The following SLC17A1 variants were observed in gnomAD, a reference collection of about 807,000 sequenced individuals.
SLC17A1 encodes the protein sodium-dependent phosphate transport protein 1.
In SLC17A1, 51 loss-of-function variants were observed where a neutral mutation model predicts 53.5. The ratio of observed to expected loss-of-function variants is 0.95; its 90% confidence interval spans 0.76 to 1.20. SLC17A1 has a LOEUF of 1.20. Among genes scored for constraint, SLC17A1 ranks in the 50% most tolerant of loss-of-function variants. The pLI is 0.00. For missense variants in SLC17A1, 538 were observed against 568.2 expected (o/e 0.95, Z 0.54); for synonymous variants, 179 against 198.8 (o/e 0.90, Z 0.84).
chr6:25,806,729 G>T (rs1447249589), intron 10 of SLC17A1, among the ~76,000 whole-genome samples: 1 of 152,060 alleles, frequency 6.6e-6, no homozygotes, highest in Non-Finnish European at 1.5e-5. Context: ...ATAATTATCA[G>T]AGTAAACAGA....
intron 3 of SLC17A1, among the ~76,000 whole-genome samples, chr6:25,821,958 G>C (rs1280505639): frequency 1.3e-5 from 2 of 152,074 alleles, no homozygotes; most frequent in Non-Finnish European, 2.9e-5. Context: ...AAATGGAAAT[G>C]ATCAATAAAC....
the SLC17A1 span, chr6:25,726,131 G>C: frequency 2.6e-6 from 4 of 1,524,036 alleles, no homozygotes; most frequent in South Asian, 1.3e-5. Context: ...ACAACCTTAA[G>C]TTACTTGCTT....
rs909424873 is a variant in SLC17A1 at position 25,788,573 on chromosome 6, A to T, written c.*3-5355T>A. On this transcript the variant is annotated intron_variant, in intron 12 of 12. Coordinates refer to ENST00000244527, the MANE Select transcript of SLC17A1 (RefSeq NM_005074.5). Reference sequence around the variant, plus strand: ...CCTGACCAGGTGCAGAGGGTGTCTGAGCTGGGTGACAGCCTCGCCCACTGA... The same window carrying T: ...CCTGACCAGGTGCAGAGGGTGTCTGTGCTGGGTGACAGCCTCGCCCACTGA... 2.6e-5 allele frequency among the ~76,000 whole-genome samples: 4 copies of T among 152,204 alleles called. 1 individual carries two copies. Among genetic ancestry groups the T allele is most frequent in the Admixed American group, 2.6e-4 (4 of 15,288 alleles).
At chr6:25,738,321 G>A in the SLC17A1 span, among the ~76,000 whole-genome samples, 1 of 150,244 alleles carries the variant, frequency 6.7e-6, no homozygotes, top group Non-Finnish European at 1.5e-5. Flanking sequence ...AATGAAGGAA[G>A]GATAGTGTTT....
At chr6:25,746,724 T>C in the SLC17A1 span, among the ~76,000 whole-genome samples, 1 of 152,194 alleles carries the variant, frequency 6.6e-6, no homozygotes, top group Admixed American at 6.5e-5. Flanking sequence ...GTAGTCCTAG[T>C]ATAATAGCTA....
the SLC17A1 span, chr6:25,727,184 T>C: frequency 1.9e-6 from 3 of 1,614,164 alleles, no homozygotes; most frequent in Non-Finnish European, 2.5e-6. Flanking sequence ...CCACCATTTC[T>C]TCCAGAGAGA....
the SLC17A1 span, chr6:25,769,010 G>A: frequency 6.2e-7 from 1 of 1,613,828 alleles, no homozygotes; most frequent in Non-Finnish European, 8.5e-7. Flanking sequence ...GACATGGGCT[G>A]GCCCTCATCT....
At chr6:25,747,231 C>G in the SLC17A1 span, among the ~76,000 whole-genome samples, 1 of 152,292 alleles carries the variant, frequency 6.6e-6, no homozygotes, top group South Asian at 2.1e-4. Flanking sequence ...GGTAAAGAAG[C>G]AAAGTGCAAT....
downstream of SLC17A1, chr6:25,780,228 G>A (rs1449537059): frequency 6.6e-6 from 1 of 152,194 alleles, no homozygotes. Context: ...CACCTTGTGT[G>A]GATGGCAGAA....
the SLC17A1 span, among the ~76,000 whole-genome samples, chr6:25,753,730 G>A: frequency 6.6e-6 from 1 of 151,994 alleles, no homozygotes; most frequent in Non-Finnish European, 1.5e-5. Flanking sequence ...TAGGGTTGGA[G>A]GGAGATTCAG....
downstream of SLC17A1, chr6:25,782,904 A>T (rs1476256027): frequency 6.6e-6 from 1 of 152,214 alleles, no homozygotes; most frequent in South Asian, 2.1e-4. Flanking sequence ...GTCTTTCATG[A>T]AGCCTTAGAA....
At chr6:25,813,903 A>G (rs1223460943) in intron 6 of SLC17A1, among the ~76,000 whole-genome samples, 2 of 152,208 alleles carry the variant, frequency 1.3e-5, no homozygotes, top group Non-Finnish European at 2.9e-5. Flanking sequence ...TTTCCCTGCA[A>G]AGGACACGAT....
At chr6:25,819,178 C>T in intron 5 of SLC17A1, 24 bp from the exon 6 acceptor site, 1 of 1,504,068 alleles carries the variant, frequency 6.6e-7, no homozygotes, top group Non-Finnish European at 9.1e-7. Flanking sequence ...ACAAAGAACA[C>T]CCCTAATTAA....
Position 25,826,635 on chromosome 6 carries a change from TAC to T in SLC17A1, c.35-4_35-3del. The T allele has an allele frequency of 6.4e-7, 1 of 1,556,358 alleles. No homozygotes were observed. On this transcript the variant is annotated splice_polypyrimidine_tract_variant and splice_region_variant and intron_variant, in intron 2 of 12. Coordinates refer to ENST00000244527, the MANE Select transcript of SLC17A1 (RefSeq NM_005074.5). ...AGCGAAAGGAACAGAAACCTGGAAC[TAC>T]AAAGTAAAACAGAAAGTCGCAATTG...
chr6:25,826,688 C>T (rs779553278), intron 2 of SLC17A1, 55 bp from the exon 3 acceptor site: 7 of 1,355,672 alleles, frequency 5.2e-6, no homozygotes, highest in Non-Finnish European at 6.9e-6. Flanking sequence ...TAAAAACATA[C>T]TTTAACTATA....
the SLC17A1 span, among the ~76,000 whole-genome samples, chr6:25,731,307 G>C: frequency 6.6e-6 from 1 of 152,216 alleles, no homozygotes; most frequent in Non-Finnish European, 1.5e-5. Context: ...ACAAGGTGCT[G>C]GAGCTGGTCC....
the SLC17A1 span, among the ~76,000 whole-genome samples, chr6:25,775,546 C>T: frequency 1.4e-4 from 21 of 152,176 alleles, no homozygotes; most frequent in African/African-American, 2.9e-4. Flanking sequence ...AGCAATCCTC[C>T]TACCTCAGCC....
chr6:25,726,154 T>C, the SLC17A1 span: 1 of 1,555,118 alleles, frequency 6.4e-7, no homozygotes, highest in African/African-American at 1.4e-5. Flanking sequence ...GGCTTTATGG[T>C]GGTGACTCTC....
At chr6:25,724,673 GAAGTT>G in the SLC17A1 span, among the ~76,000 whole-genome samples, 3 of 152,184 alleles carry the variant, frequency 2.0e-5, no homozygotes, top group African/African-American at 4.8e-5. Context: ...GCAAGTCTGA[GAAGTT>G]AAGTGCCACT....
Sources: gnomAD v4.1 joint callset for allele counts (sites outside exome capture counted in the v4.1 genomes callset) on GRCh38, gnomAD v4.1.1 for gene constraint, MANE v1.5 for transcripts, NCBI Gene and HGNC (gene_info 2026-07-23, HGNC 2026-07-21) for gene names.